Variants in INTS2 observed in about 807,000 individuals in gnomAD.
INTS2 encodes KIAA1287.
A neutral mutation model predicts 139.6 loss-of-function variants in INTS2; 57 were observed. The ratio of observed to expected loss-of-function variants is 0.41; its 90% CI spans 0.33 to 0.51. The LOEUF (loss-of-function observed/expected upper bound fraction) is 0.51. INTS2 is among the 20% of genes least tolerant of loss of function. INTS2 has a pLI of 0.28. For missense variants in INTS2, 1,196 were observed against 1,436.7 expected (o/e 0.83, Z 2.71); for synonymous variants, 473 against 493.4 (o/e 0.96, Z 0.55).
At chr17:61,902,877 A>AAAC (rs1567907156) in intron 9 of INTS2, among the ~76,000 whole-genome samples, 1 of 151,250 alleles carries the variant, frequency 6.6e-6, no homozygotes, top group African/African-American at 2.4e-5. Flanking sequence ...AAAAAAAAAA[A>AAAC]AAACAGAGGC....
intron 9 of INTS2, among the ~76,000 whole-genome samples, chr17:61,898,508 C>G (rs1443923664): frequency 6.6e-6 from 1 of 152,082 alleles, no homozygotes; most frequent in African/African-American, 2.4e-5. Flanking sequence ...GTTGCCCAGT[C>G]TGGTCTTGAA....
chr17:61,910,825 C>T (rs188707379), intron 7 of INTS2: 7 of 152,030 alleles, frequency 4.6e-5, no homozygotes, highest in African/African-American at 1.7e-4. Flanking sequence ...GCCCAGAACC[C>T]TGGAGATATA....
intron 16 of INTS2, among the ~76,000 whole-genome samples, chr17:61,883,100 C>A (rs2079192186): frequency 6.6e-6 from 1 of 152,068 alleles, no homozygotes; most frequent in African/African-American, 2.4e-5. Context: ...AAACTATACC[C>A]AACCATCACA....
rs781046362 is a variant in INTS2 at position 61,869,055 on chromosome 17, C to T, written c.3223G>A (p.Val1075Ile). ...SLSVARLAVN[V>I]MGTLLTVLTQ... ...ATACCTGTTAACAAAGTTCCCATGA[C>T]ATTGACAGCTAAACGAGCCACACTA... The change falls in exon 23 of 25, where the codon GTC becomes ATC. Residue 1075 changes from valine (V) to isoleucine (I), a missense_variant. Physicochemically the swap from Val to Ile is conservative, Grantham distance 29. Transcript: ENST00000251334. This position sits in a 1 kb window ranked among gnomAD's most constrained non-coding sequence, Gnocchi z 5.4. The T allele has an allele frequency of 2.5e-6, 4 of 1,607,876 alleles. No homozygotes were observed. In the South Asian group the frequency reaches 3.3e-5, roughly 13 times the overall value.
At position 61,866,461 on chromosome 17, in the gene INTS2, T is replaced by C. The variant is rs1018259103; in HGVS notation, c.*1096A>G. 6.6e-6 allele frequency: 1 copy of C among 152,042 alleles called. No individual in the cohort carries two copies. The highest frequency in any genetic ancestry group is 2.4e-5 in the African/African-American group (1 of 41,386). The allele number at this position is 152,042 out of a possible 1,614,324, so 9.4% of individuals were successfully genotyped here. On this transcript the variant is annotated 3_prime_UTR_variant, in exon 25 of 25. Coordinates refer to ENST00000251334, the MANE Select transcript of INTS2 (RefSeq NM_001351695.2). ...AGAGAGAAAAAAGGGAATTACTTTC[T>C]ACATTGATAATTTTTTTTTAATGAT...
chr17:61,898,429 G>T (rs2079371114), intron 9 of INTS2, among the ~76,000 whole-genome samples: 1 of 151,918 alleles, frequency 6.6e-6, no homozygotes, highest in African/African-American at 2.4e-5. Flanking sequence ...CAAGTAGTTG[G>T]GACTACAGGC....
At chr17:61,923,391 G>A (rs1190640451) in intron 3 of INTS2, among the ~76,000 whole-genome samples, 1 of 149,630 alleles carries the variant, frequency 6.7e-6, no homozygotes, top group Admixed American at 6.7e-5. Flanking sequence ...ACAGGAGAAT[G>A]GTGTGAACCC....
chr17:61,884,828 C>T, intron 16 of INTS2, 73 bp downstream of exon 16: 1 of 902,070 alleles, frequency 1.1e-6, no homozygotes, highest in Non-Finnish European at 1.7e-6. Context: ...GCACCTATTA[C>T]ACTTCATAAC....
rs140317840 is a variant in INTS2, at chr17:61,919,821, T to C, written c.536-308A>G. ...ATAGCTCACTGCAGCCTCAACCTCC[T>C]GGGCTCAAGCAATCCTCCTGCCTCA... On this transcript the variant is annotated intron_variant, in intron 4 of 24. Transcript: ENST00000251334. Among the ~76,000 whole-genome samples the C allele has an allele frequency of 5.7e-4, 87 of 152,254 alleles. No homozygotes were observed. The East Asian group carries it at 0.017, about 29-fold the overall frequency.
rs1384656284 is a variant in INTS2 at position 61,909,964 on chromosome 17, G to C, written c.954+1556C>G. Reference sequence around the variant, plus strand: ...GTGCTGAAATAAACATACAAGTGTAGGTACATTTTTTATATAATGATTTCT... The same window carrying C: ...GTGCTGAAATAAACATACAAGTGTACGTACATTTTTTATATAATGATTTCT... On this transcript the variant is annotated intron_variant, in intron 7 of 24. Transcript: ENST00000251334. This position sits in a 1 kb window ranked among gnomAD's most constrained non-coding sequence, Gnocchi z 4.9. Among the ~76,000 whole-genome samples the C allele has an allele frequency of 3.9e-5, 6 of 151,978 alleles. No individual in the cohort carries two copies. The highest frequency in any genetic ancestry group is 1.4e-4 in the African/African-American group (6 of 41,428).
At chr17:61,906,267 G>A (rs2079461806) in intron 8 of INTS2, among the ~76,000 whole-genome samples, 3 of 152,054 alleles carry the variant, frequency 2.0e-5, no homozygotes, top group African/African-American at 2.4e-5. Flanking sequence ...ATGCTAAATC[G>A]GTAAATATAA....
chr17:61,879,259 T>A (rs1340078638), intron 17 of INTS2, among the ~76,000 whole-genome samples: 2 of 152,032 alleles, frequency 1.3e-5, no homozygotes, highest in African/African-American at 4.8e-5. Context: ...GAAAATATGC[T>A]GAAGTATTGC....
rs1603381456 is a variant in INTS2, at chr17:61,911,321, T to C, written c.954+199A>G. 8.8e-6 allele frequency: 4 copies of C among 453,446 alleles called. No homozygotes were observed. In the South Asian group the frequency reaches 2.0e-4, roughly 23 times the overall value. 28.1% of individuals were successfully genotyped at this position (453,446 alleles called of 1,614,324 possible). A position where few individuals can be genotyped will look rare whatever the true frequency, so the allele number is the denominator to read the frequency against. On this transcript the variant is annotated intron_variant, in intron 7 of 24. Transcript: ENST00000251334. ...ATTTAAGTGTTAATTTCTAATATGG[T>C]AAATATCAACAGAAAAAAAGCCACA...
At chr17:61,926,884 G>A (rs1276767304) in intron 1 of INTS2, among the ~76,000 whole-genome samples, 2 of 152,260 alleles carry the variant, frequency 1.3e-5, no homozygotes, top group Middle Eastern at 3.4e-3. Context: ...TCCAGCCTCA[G>A]GAATCTTCTG....
In INTS2 at chr17:61,871,521, G is replaced by C. The variant is rs376779641; in HGVS notation, c.2778+744C>G. Among the ~76,000 whole-genome samples, 7 of 152,142 alleles carry C rather than the reference G, an allele frequency of 4.6e-5. No individual in the cohort carries two copies. Among genetic ancestry groups the C allele is most frequent in the African/African-American group, 1.7e-4 (7 of 41,438 alleles). ...ACATGCAGTTGTTTTTCTGTTGTCTGTCTCCATAATTTGACATTTGATCTT... is the reference window on the plus strand; with the variant it reads ...ACATGCAGTTGTTTTTCTGTTGTCTCTCTCCATAATTTGACATTTGATCTT... On this transcript the variant is annotated intron_variant, in intron 20 of 24. Transcript: ENST00000251334. The surrounding 1 kb of genome is among the most constrained non-coding windows in gnomAD (Gnocchi z 4.9).
At chr17:61,914,530 A>T (rs1398811442) in intron 5 of INTS2, among the ~76,000 whole-genome samples, 9 of 151,876 alleles carry the variant, frequency 5.9e-5, no homozygotes, top group East Asian at 5.9e-4. Context: ...AAACCGTGTT[A>T]CTACTAAAAA....
In INTS2 at chr17:61,912,968, C is replaced by G. The variant is rs545871854; in HGVS notation, c.650-898G>C. Among the ~76,000 whole-genome samples the G allele has an allele frequency of 2.1e-3, 312 of 152,082 alleles. 3 individuals are homozygous for G. The highest frequency in any genetic ancestry group is 7.3e-3 in the African/African-American group (303 of 41,486). Reference sequence around the variant, plus strand: ...ATGCGCACCTATAGTCCCAGCTGCTCAGGAGGCTGAGGCAGCAGAATCACT... The same window carrying G: ...ATGCGCACCTATAGTCCCAGCTGCTGAGGAGGCTGAGGCAGCAGAATCACT... On this transcript the variant is annotated intron_variant, in intron 5 of 24. Coordinates refer to ENST00000251334, the MANE Select transcript of INTS2 (RefSeq NM_001351695.2).
intron 15 of INTS2, among the ~76,000 whole-genome samples, chr17:61,888,782 T>C (rs982645642): frequency 6.6e-6 from 1 of 152,080 alleles, no homozygotes; most frequent in African/African-American, 2.4e-5. Flanking sequence ...CCCAGCACTT[T>C]GGGAGGCCGA....
chr17:61,882,297 T>TG lies in INTS2; in HGVS notation c.2090-1127dup, dbSNP rs2079184931. On this transcript the variant is annotated intron_variant, in intron 16 of 24. Coordinates refer to ENST00000251334, the MANE Select transcript of INTS2 (RefSeq NM_001351695.2). This position sits in a 1 kb window ranked among gnomAD's most constrained non-coding sequence, Gnocchi z 4.7. ...GAAGCAGTACTGATGATACCCACAA[T>TG]GGGGGGCATTTTTTCTTGGTTCAAG... 1.3e-5 allele frequency among the ~76,000 whole-genome samples: 2 copies of TG among 152,190 alleles called. No homozygotes were observed. Among genetic ancestry groups the TG allele is most frequent in the South Asian group, 4.2e-4 (2 of 4,818 alleles).
Sources: allele counts gnomAD v4.1 joint callset (sites outside exome capture counted in the v4.1 genomes callset), GRCh38; gene constraint gnomAD v4.1.1; non-coding constraint Gnocchi (gnomAD v3.1); transcripts MANE v1.5; gene names NCBI Gene and HGNC (gene_info 2026-07-23, HGNC 2026-07-21).